FARS2: variants seen among roughly 807,000 people sequenced by gnomAD.
The protein encoded by FARS2 is phenylalanyl-tRNA synthetase 2, mitochondrial.
Under a neutral mutation model 46.4 loss-of-function variants are expected in FARS2, and 40 were observed. The observed-to-expected ratio is 0.86, with a 90% CI of 0.67 to 1.12. The LOEUF (loss-of-function observed/expected upper bound fraction) is 1.12, where lower values mean the gene tolerates loss of function less well. Among genes scored for constraint, FARS2 ranks in the 50% most tolerant of loss-of-function variants. The pLI is 0.00. For missense variants in FARS2, 513 were observed against 567.9 expected, an observed-to-expected ratio of 0.90 and a Z score of 0.98; for synonymous variants, 234 against 214.9, an observed-to-expected ratio of 1.09 and a Z score of -0.78.
rs752978560 is a variant in FARS2 at position 5,727,179 on chromosome 6, G to A, written c.1218-44112G>A. 2.6e-5 allele frequency among the ~76,000 whole-genome samples: 4 copies of A among 152,182 alleles called. No homozygotes were observed. Among genetic ancestry groups the A allele is most frequent in the Non-Finnish European group, 5.9e-5 (4 of 68,018 alleles). ...AAGCTGCTCAGTCAACAGTAACGGC[G>A]GCTGCTGCTGTAGGGGTGGGCATGG... On this transcript the variant is annotated intron_variant, in intron 6 of 6. Transcript: ENST00000274680. The surrounding 1 kb of genome is among the most constrained non-coding windows in gnomAD (Gnocchi z 4.1).
At chr6:5,738,331 C>A (rs887152666) in intron 6 of FARS2, among the ~76,000 whole-genome samples, 1 of 152,206 alleles carries the variant, frequency 6.6e-6, no homozygotes, top group African/African-American at 2.4e-5. Context: ...TATGCCAGAG[C>A]TCTGAAGAGA....
At chr6:5,534,062 G>A (rs1401016110) in intron 4 of FARS2, among the ~76,000 whole-genome samples, 1 of 152,146 alleles carries the variant, frequency 6.6e-6, no homozygotes, top group African/African-American at 2.4e-5. Context: ...TATCATTGCT[G>A]TTCTTCATTT....
chr6:5,466,891 T>C, intron 4 of FARS2: 1 of 985,420 alleles, frequency 1.0e-6, no homozygotes, highest in Non-Finnish European at 1.2e-6. Flanking sequence ...CTTGAACCCA[T>C]GAGCACATGG....
At chr6:5,595,971 G>A (rs1774175986) in intron 5 of FARS2, among the ~76,000 whole-genome samples, 1 of 152,184 alleles carries the variant, frequency 6.6e-6, no homozygotes, top group South Asian at 2.1e-4. Context: ...CCTGGCAAGA[G>A]AAAGGGGGTA....
chr6:5,652,690 G>A (rs562664985), intron 6 of FARS2, among the ~76,000 whole-genome samples: 20 of 152,336 alleles, frequency 1.3e-4, no homozygotes, highest in Non-Finnish European at 1.6e-4. Flanking sequence ...GCTTGTTACC[G>A]TCCGTGGCCT....
intron 5 of FARS2, among the ~76,000 whole-genome samples, chr6:5,563,663 AATGGCATGTCC>A (rs1326502260): frequency 6.6e-6 from 1 of 152,112 alleles, no homozygotes; most frequent in Non-Finnish European, 1.5e-5. Flanking sequence ...TCCTTGGAAG[AATGGCATGTCC>A]ATGTGTGTGT....
chr6:5,443,893 C>G (rs1763980858), intron 4 of FARS2, among the ~76,000 whole-genome samples: 1 of 152,224 alleles, frequency 6.6e-6, no homozygotes, highest in African/African-American at 2.4e-5. Flanking sequence ...TCTTCACCTC[C>G]CTTTCTAACT....
intron 1 of FARS2, among the ~76,000 whole-genome samples, chr6:5,312,959 T>C (rs1769190962): frequency 6.6e-6 from 1 of 152,062 alleles, no homozygotes; most frequent in African/African-American, 2.4e-5. Flanking sequence ...AGGGGATGTA[T>C]GAATTGCTGG....
At chr6:5,584,652 C>T (rs1773518974) in intron 5 of FARS2, among the ~76,000 whole-genome samples, 1 of 152,090 alleles carries the variant, frequency 6.6e-6, no homozygotes, top group Non-Finnish European at 1.5e-5. Context: ...TGGCACATTT[C>T]CTTGATGGCT....
intron 3 of FARS2, among the ~76,000 whole-genome samples, chr6:5,405,841 C>T (rs1423150819): frequency 2.0e-5 from 3 of 152,006 alleles, no homozygotes; most frequent in Non-Finnish European, 4.4e-5. Flanking sequence ...GAAAACTTTA[C>T]GTATTGCCAT....
At chr6:5,508,591 T>C (rs1417033290) in intron 4 of FARS2, among the ~76,000 whole-genome samples, 1 of 152,054 alleles carries the variant, frequency 6.6e-6, no homozygotes, top group Non-Finnish European at 1.5e-5. Context: ...AAAGCATGGG[T>C]GTACCCACAG....
At chr6:5,491,563 G>A (rs1767113987) in intron 4 of FARS2, among the ~76,000 whole-genome samples, 1 of 152,150 alleles carries the variant, frequency 6.6e-6, no homozygotes, top group South Asian at 2.1e-4. Flanking sequence ...CCTGTCTCTT[G>A]CCAGTTACTG....
At chr6:5,511,755 G>A (rs947478056) in intron 4 of FARS2, among the ~76,000 whole-genome samples, 1 of 152,152 alleles carries the variant, frequency 6.6e-6, no homozygotes, top group African/African-American at 2.4e-5. Flanking sequence ...TCATGCCTCT[G>A]TTATATTAAT....
intron 6 of FARS2, among the ~76,000 whole-genome samples, chr6:5,636,551 G>T (rs1776555940): frequency 6.6e-6 from 1 of 152,242 alleles, no homozygotes. Flanking sequence ...TTTCCACATT[G>T]TCTGTTTGCC....
intron 1 of FARS2, among the ~76,000 whole-genome samples, chr6:5,367,517 A>C (rs1227088229): frequency 3.3e-5 from 5 of 151,902 alleles, no homozygotes; most frequent in Non-Finnish European, 4.4e-5. Flanking sequence ...CGGTTGTCTT[A>C]TTGAACTCTT....
At chr6:5,675,633 G>A (rs564255724) in intron 6 of FARS2, among the ~76,000 whole-genome samples, 35 of 152,302 alleles carry the variant, frequency 2.3e-4, no homozygotes, top group African/African-American at 8.4e-4. Flanking sequence ...TGAGATTTGT[G>A]TCTCCAAGTT....
At chr6:5,356,284 A>G (rs1470822492) in intron 1 of FARS2, among the ~76,000 whole-genome samples, 1 of 152,172 alleles carries the variant, frequency 6.6e-6, no homozygotes, top group Non-Finnish European at 1.5e-5. Flanking sequence ...CCTCATCTCT[A>G]CTAAGGATGC....
rs964189918 is a variant in FARS2 at position 5,471,260 on chromosome 6, A to G, written c.904+40088A>G. The stretch of plus-strand genomic sequence containing the variant: ...AATTAAGTCTTGCCGAGGCCTTGTT[A>G]GTGATCCGGTGCTAAGCGCCTAAAA... On this transcript the variant is annotated intron_variant, in intron 4 of 6. Coordinates refer to ENST00000274680, the MANE Select transcript of FARS2 (RefSeq NM_006567.5). The surrounding 1 kb of genome is among the most constrained non-coding windows in gnomAD (Gnocchi z 4.1). Among the ~76,000 whole-genome samples the G allele has an allele frequency of 6.6e-6, 1 of 152,210 alleles. No homozygotes were observed. Among genetic ancestry groups the G allele is most frequent in the African/African-American group, 2.4e-5 (1 of 41,462 alleles).
At chr6:5,652,576 C>G (rs942232210) in intron 6 of FARS2, among the ~76,000 whole-genome samples, 1 of 152,246 alleles carries the variant, frequency 6.6e-6, no homozygotes, top group Non-Finnish European at 1.5e-5. Context: ...GCTCACCTCT[C>G]TCAGAATGGC....
Sources: allele counts gnomAD v4.1 joint callset (sites outside exome capture counted in the v4.1 genomes callset), GRCh38; gene constraint gnomAD v4.1.1; non-coding constraint Gnocchi (gnomAD v3.1); transcripts MANE v1.5; gene names NCBI Gene and HGNC (gene_info 2026-07-23, HGNC 2026-07-21).